The following DAPK2 variants were observed in gnomAD, a reference collection of about 807,000 sequenced individuals.
DAPK2 encodes death-associated protein kinase 2.
In DAPK2, 35 loss-of-function variants were observed where a neutral mutation model predicts 44.1. That is an observed-to-expected ratio of 0.79 (90% CI 0.61 to 1.05). DAPK2 has a LOEUF of 1.05. Among genes scored for constraint, DAPK2 ranks in the 50% least tolerant of loss-of-function variants. DAPK2 has a pLI of 0.00. For synonymous variants in DAPK2, 174 were observed against 182.6 expected (o/e 0.95, Z 0.38); for missense variants, 453 against 483.2 (o/e 0.94, Z 0.59).
At chr15:63,972,835 TG>T (rs1252315000) in intron 2 of DAPK2, among the ~76,000 whole-genome samples, 7 of 152,088 alleles carry the variant, frequency 4.6e-5, no homozygotes, top group Admixed American at 3.9e-4. Context: ...AAAACCTGTT[TG>T]GGAAGGAACA....
chr15:64,006,197 C>T lies in DAPK2; in HGVS notation c.93-22443G>A, dbSNP rs565214423. Among the ~76,000 whole-genome samples, 3 of 152,242 alleles carry T rather than the reference C, an allele frequency of 2.0e-5. No individual in the cohort carries two copies. In the East Asian group the frequency reaches 5.8e-4, roughly 29 times the overall value. On this transcript the variant is annotated intron_variant, in intron 1 of 10. Coordinates refer to ENST00000261891, the Ensembl canonical transcript of DAPK2. ...GTGGTCTCCGCTCACCACACTGGTC[C>T]ATCCAGCTTTCCCAGACCAACCTGA...
chr15:63,924,773 G>A (rs1216040671), intron 8 of DAPK2, 43 bp downstream of exon 9: 2 of 1,610,806 alleles, frequency 1.2e-6, no homozygotes, highest in Admixed American at 3.3e-5. Context: ...TGGCGACAGA[G>A]CAGGGACCCT....
intron 3 of DAPK2, among the ~76,000 whole-genome samples, chr15:63,952,617 T>C (rs1039267214): frequency 1.3e-5 from 2 of 150,104 alleles, no homozygotes; most frequent in Admixed American, 1.3e-4. Context: ...TCATCACAGA[T>C]TTTTGGGCAA....
At chr15:64,007,729 T>C (rs541777053) in intron 1 of DAPK2, among the ~76,000 whole-genome samples, 45 of 152,374 alleles carry the variant, frequency 3.0e-4, no homozygotes, top group African/African-American at 1.1e-3. Flanking sequence ...CTATGTTTGC[T>C]GTGTGCCATT....
rs200828127 is a variant in DAPK2 at position 64,029,756 on chromosome 15, T to C, written c.92+10414A>G. ...AGACATGCACATACTCATAAGCTCCTTCACACACACACATCCACACACACC... is the reference window on the plus strand; with the variant it reads ...AGACATGCACATACTCATAAGCTCCCTCACACACACACATCCACACACACC... On this transcript the variant is annotated intron_variant, in intron 1 of 10. Transcript: ENST00000261891. 14 of 152,470 alleles carry C rather than the reference T, an allele frequency of 9.2e-5. No individual in the cohort carries two copies. The East Asian group carries it at 2.7e-3, about 29-fold the overall frequency. 9.4% of individuals were successfully genotyped at this position (152,470 alleles called of 1,614,324 possible).
chr15:64,008,148 A>G (rs1380850), intron 1 of DAPK2, among the ~76,000 whole-genome samples: 12,910 of 152,210 alleles, frequency 0.085, 794 homozygotes, highest in South Asian at 0.31. Context: ...TTAATACACT[A>G]TATGCGAATG....
At chr15:63,936,608 A>C (rs1364885836) in intron 4 of DAPK2, among the ~76,000 whole-genome samples, 1 of 152,144 alleles carries the variant, frequency 6.6e-6, no homozygotes, top group South Asian at 2.1e-4. Flanking sequence ...ACTCTGTCTC[A>C]ATAAATAAAT....
chr15:63,947,659 C>G (rs534566412), intron 3 of DAPK2, among the ~76,000 whole-genome samples: 1 of 152,194 alleles, frequency 6.6e-6, no homozygotes, highest in Non-Finnish European at 1.5e-5. Flanking sequence ...AAGAGGGTTA[C>G]TAGGAGGATC....
intron 1 of DAPK2, among the ~76,000 whole-genome samples, chr15:64,025,122 A>C (rs2079801972): frequency 6.6e-6 from 1 of 152,148 alleles, no homozygotes; most frequent in South Asian, 2.1e-4. Flanking sequence ...CAGAAAGAAA[A>C]TTCTAGGCAA....
chr15:63,931,063 T>TA (rs1446551529), intron 4 of DAPK2, among the ~76,000 whole-genome samples: 7 of 151,516 alleles, frequency 4.6e-5, no homozygotes, highest in African/African-American at 7.3e-5. Flanking sequence ...AGACCCATCT[T>TA]AAAAAAAAGA....
At chr15:63,929,389 T>C (rs2079441406) in intron 6 of DAPK2, 162 bp downstream of exon 7, 1 of 830,526 alleles carries the variant, frequency 1.2e-6, no homozygotes, top group African/African-American at 1.7e-5. Flanking sequence ...ATGGATGAAA[T>C]GGACCTACAG....
rs2080456176 is a variant in DAPK2, at chr15:64,046,146, G to A, written c.-7+152C>T. On this transcript the variant is annotated intron_variant, in intron 1 of 11. Transcript: ENST00000457488. The surrounding 1 kb of genome is among the most constrained non-coding windows in gnomAD (Gnocchi z 5.3). ...CTCGGGTGCCGGCCACAATGCCCCG[G>A]GCCACGGCGTCAGGCATTGGGGCGG... 6.6e-6 allele frequency among the ~76,000 whole-genome samples: 1 copy of A among 152,062 alleles called. No homozygotes were observed. The highest frequency in any genetic ancestry group is 2.4e-5 in the African/African-American group (1 of 41,432).
intron 1 of DAPK2, among the ~76,000 whole-genome samples, chr15:64,016,334 G>C (rs776837685): frequency 2.6e-5 from 4 of 152,238 alleles, no homozygotes; most frequent in Admixed American, 6.5e-5. Flanking sequence ...ATCACAGAGA[G>C]GCAGTGTAGT....
At chr15:63,964,069 A>G (rs2077985244) in intron 3 of DAPK2, among the ~76,000 whole-genome samples, 1 of 152,164 alleles carries the variant, frequency 6.6e-6, no homozygotes, top group South Asian at 2.1e-4. Flanking sequence ...ATGGTTTCTT[A>G]TTGCTCATTA....
Position 64,020,501 on chromosome 15 carries a change from TC to T in DAPK2, c.92+19668del. 6.6e-6 allele frequency among the ~76,000 whole-genome samples: 1 copy of T among 152,232 alleles called. No homozygotes were observed. The highest frequency in any genetic ancestry group is 1.5e-5 in the Non-Finnish European group (1 of 68,036). On this transcript the variant is annotated intron_variant, in intron 1 of 10. Coordinates refer to ENST00000261891, the Ensembl canonical transcript of DAPK2. This position sits in a 1 kb window ranked among gnomAD's most constrained non-coding sequence, Gnocchi z 4.5. ...TTGCCTCTTGCTGTCATTTATTCAT[TC>T]ATATCACATATTTTTATTAAGCACC...
intron 8 of DAPK2, among the ~76,000 whole-genome samples, chr15:63,914,758 C>T (rs182529140): frequency 7.2e-5 from 11 of 152,320 alleles, no homozygotes; most frequent in Admixed American, 2.0e-4. Flanking sequence ...CGGGTCTTTG[C>T]CCTTGCTCTC....
chr15:63,981,832 A>C (rs2078524448), intron 2 of DAPK2, among the ~76,000 whole-genome samples: 1 of 152,218 alleles, frequency 6.6e-6, no homozygotes, highest in Non-Finnish European at 1.5e-5. Context: ...CCGTGGGAGA[A>C]ACATGGAGGA....
Position 63,912,591 on chromosome 15 carries a change from A to G in DAPK2, c.859-394T>C, listed in dbSNP as rs1182864885. Among the ~76,000 whole-genome samples, 1 of 152,208 alleles carries G rather than the reference A, an allele frequency of 6.6e-6. No individual in the cohort carries two copies. Among genetic ancestry groups the G allele is most frequent in the African/African-American group, 2.4e-5 (1 of 41,454 alleles). The stretch of plus-strand genomic sequence containing the variant: ...GGCAAAACAAATGCCTTGTTGGTAG[A>G]CGGGGAATTCATACTCCATTAAAAA... On this transcript the variant is annotated intron_variant, in intron 8 of 10. Transcript: ENST00000261891. The surrounding 1 kb of genome is among the most constrained non-coding windows in gnomAD (Gnocchi z 4.4).
At chr15:64,016,816 G>A (rs1185465548) in intron 1 of DAPK2, among the ~76,000 whole-genome samples, 3 of 139,980 alleles carry the variant, frequency 2.1e-5, no homozygotes, top group East Asian at 4.1e-4. Context: ...GAAGGGGAAG[G>A]GGAAGGGGAA....
Sources: gnomAD v4.1 joint callset for allele counts (sites outside exome capture counted in the v4.1 genomes callset) on GRCh38, gnomAD v4.1.1 for gene constraint, Gnocchi (gnomAD v3.1) non-coding constraint, MANE v1.5 for transcripts, NCBI Gene and HGNC (gene_info 2026-07-23, HGNC 2026-07-21) for gene names.